Variants in RASEF observed in about 807,000 individuals in gnomAD.
The protein encoded by RASEF is RAS and EF-hand domain containing, also known as ras and EF-hand domain-containing protein.
Under a neutral mutation model 90.1 loss-of-function variants are expected in RASEF, and 68 were observed. The observed-to-expected ratio is 0.75, with a 90% CI of 0.62 to 0.92. RASEF has a LOEUF of 0.92. Ranked by LOEUF, RASEF falls within the 40% of genes least tolerant of loss-of-function variation. RASEF has a pLI of 0.00. For synonymous variants in RASEF, 331 were observed against 345.2 expected (o/e 0.96, Z 0.46); for missense variants, 949 against 937.2 (o/e 1.01, Z -0.16).
At chr9:83,056,292 C>T (rs757750121) in intron 1 of RASEF, among the ~76,000 whole-genome samples, 1 of 152,164 alleles carries the variant, frequency 6.6e-6, no homozygotes, top group Non-Finnish European at 1.5e-5. Flanking sequence ...ATTAGAACTT[C>T]CCTCTGGGAG....
At chr9:83,189,764 A>G in the RASEF span, among the ~76,000 whole-genome samples, 5 of 152,344 alleles carry the variant, frequency 3.3e-5, no homozygotes, top group Non-Finnish European at 5.9e-5. Context: ...AGGATCCTGT[A>G]TGTTAATGTA....
intron 5 of RASEF, among the ~76,000 whole-genome samples, chr9:83,010,587 G>A (rs77361210): frequency 2.0e-5 from 3 of 152,240 alleles, no homozygotes; most frequent in East Asian, 3.9e-4. Context: ...GATTAAAACT[G>A]TATAGTAAGC....
the RASEF span, among the ~76,000 whole-genome samples, chr9:83,192,586 A>G: frequency 6.6e-6 from 1 of 152,194 alleles, no homozygotes; most frequent in African/African-American, 2.4e-5. Context: ...AGAGGGGAGC[A>G]GAAAAAATAA....
chr9:82,998,261 G>A lies in RASEF; in HGVS notation c.1805+104C>T, dbSNP rs1298329028. On this transcript the variant is annotated intron_variant, in intron 13 of 16. Transcript: ENST00000376447. ...ATGTAATTATGCATATAATTATAAA[G>A]TATGTTATAATTATAGAATTTTGAG... is the stretch of plus-strand genomic sequence containing the variant. 4 of 650,730 alleles carry A rather than the reference G, an allele frequency of 6.1e-6. No homozygotes were observed. The East Asian group carries it at 1.0e-4, about 17-fold the overall frequency. 40.3% of individuals were successfully genotyped at this position (650,730 alleles called of 1,614,324 possible).
the RASEF span, among the ~76,000 whole-genome samples, chr9:83,181,791 A>C: frequency 2.0e-5 from 3 of 152,232 alleles, no homozygotes; most frequent in Non-Finnish European, 4.4e-5. Context: ...TAAACACCTC[A>C]AATTGGTTTA....
In RASEF at chr9:83,001,148, G is replaced by A. The variant is rs1478706363; in HGVS notation, c.1203-18C>T. The A allele has an allele frequency of 6.3e-7, 1 of 1,579,042 alleles. No individual in the cohort carries two copies. The highest frequency in any genetic ancestry group is 1.1e-5 in the South Asian group (1 of 89,744). ...GGGATGACCTGGTAATAAAGGGGAA[G>A]ACCAATTTACCTGAGGGCTGGAAAT... On this transcript the variant is annotated intron_variant, in intron 9 of 16. Transcript: ENST00000376447.
the RASEF span, among the ~76,000 whole-genome samples, chr9:83,093,214 C>T: frequency 6.6e-6 from 1 of 152,226 alleles, no homozygotes; most frequent in Non-Finnish European, 1.5e-5. Flanking sequence ...CCCCACCAGA[C>T]TCAGGAGGCC....
In RASEF at chr9:82,996,405, C is replaced by A. The variant is rs1828919582; in HGVS notation, c.1920+607G>T. 2.0e-5 allele frequency among the ~76,000 whole-genome samples: 3 copies of A among 152,112 alleles called. No individual in the cohort carries two copies. In the South Asian group the frequency reaches 6.2e-4, roughly 32 times the overall value. On this transcript the variant is annotated intron_variant, in intron 14 of 16. Coordinates refer to ENST00000376447, the MANE Select transcript of RASEF (RefSeq NM_152573.4). ...CTTTTAAAAATTATTTACCATGAAACCAGAGGACAGGAATGTTCCTTAGGT... is the reference window on the plus strand; with the variant it reads ...CTTTTAAAAATTATTTACCATGAAAACAGAGGACAGGAATGTTCCTTAGGT...
intron 1 of RASEF, among the ~76,000 whole-genome samples, chr9:83,044,286 C>T (rs553735999): frequency 1.3e-5 from 2 of 152,264 alleles, no homozygotes; most frequent in South Asian, 4.1e-4. Flanking sequence ...CCAGGAAAGT[C>T]CAGCAAAGCA....
the RASEF span, among the ~76,000 whole-genome samples, chr9:83,092,326 C>T: frequency 2.0e-5 from 3 of 152,080 alleles, no homozygotes; most frequent in South Asian, 2.1e-4. Context: ...AATGAAGCCA[C>T]GGACCCTCGC....
At chr9:83,111,515 CAAGT>C in the RASEF span, among the ~76,000 whole-genome samples, 2 of 152,154 alleles carry the variant, frequency 1.3e-5, no homozygotes, top group African/African-American at 4.8e-5. Flanking sequence ...CACAAAAAAA[CAAGT>C]AACTGTGAGG....
chr9:83,167,755 T>C, the RASEF span, among the ~76,000 whole-genome samples: 2 of 152,156 alleles, frequency 1.3e-5, no homozygotes, highest in African/African-American at 2.4e-5. Flanking sequence ...ACATTTCATA[T>C]AGATGGAATC....
chr9:82,982,805 C>CAGAGAGAGAGAGAGAGAGAGAGAGAG, intron 16 of RASEF, 23 bp from the exon 17 acceptor site: 1 of 915,884 alleles, frequency 1.1e-6, no homozygotes, highest in Non-Finnish European at 1.8e-6. Context: ...TAGAGAGAGA[C>CAGAGAGAGAGAGAGAGAGAGAGAGAG]AGAGAGAGAG....
At chr9:83,106,223 G>A in the RASEF span, among the ~76,000 whole-genome samples, 5 of 152,072 alleles carry the variant, frequency 3.3e-5, no homozygotes, top group African/African-American at 9.7e-5. Flanking sequence ...CCTCCACCTT[G>A]TTTTAAGAGA....
chr9:83,168,887 T>C, the RASEF span, among the ~76,000 whole-genome samples: 1 of 152,114 alleles, frequency 6.6e-6, no homozygotes, highest in Non-Finnish European at 1.5e-5. Context: ...CAATAAATTA[T>C]TGTTAACTAT....
At chr9:83,158,721 T>C in the RASEF span, among the ~76,000 whole-genome samples, 10 of 142,066 alleles carry the variant, frequency 7.0e-5, no homozygotes, top group Admixed American at 6.8e-4. Flanking sequence ...TATACATATA[T>C]GTATATATTT....
chr9:83,137,720 G>T, the RASEF span, among the ~76,000 whole-genome samples: 1 of 151,922 alleles, frequency 6.6e-6, no homozygotes, highest in South Asian at 2.1e-4. Flanking sequence ...TCTGGGATTA[G>T]GCAGAGATGG....
At chr9:83,083,161 T>C in the RASEF span, among the ~76,000 whole-genome samples, 1,031 of 152,280 alleles carry the variant, frequency 6.8e-3, 7 homozygotes, top group African/African-American at 0.023. Flanking sequence ...GGTTACACAT[T>C]ACAATTCTGC....
chr9:83,096,089 G>A, the RASEF span, among the ~76,000 whole-genome samples: 2 of 152,170 alleles, frequency 1.3e-5, no homozygotes, highest in South Asian at 2.1e-4. Context: ...TCTCCTATCT[G>A]TAGAACAAGA....
Sources: gnomAD v4.1 joint callset for allele counts (sites outside exome capture counted in the v4.1 genomes callset) on GRCh38, gnomAD v4.1.1 for gene constraint, MANE v1.5 for transcripts, NCBI Gene and HGNC (gene_info 2026-07-23, HGNC 2026-07-21) for gene names.